PDE4C: variants seen among roughly 807,000 people sequenced by gnomAD.
PDE4C encodes phosphodiesterase 4C.
PDE4C carries 50 observed loss-of-function variants against 63.9 expected under a neutral mutation model. The ratio of observed to expected loss-of-function variants is 0.78; its 90% confidence interval spans 0.62 to 0.99. The LOEUF is 0.99. Ranked by LOEUF, PDE4C falls within the 50% of genes least tolerant of loss-of-function variation. The probability of loss-of-function intolerance (pLI) is 0.00; values close to 1 mark genes in which losing one functional copy is unlikely to be tolerated. For synonymous variants in PDE4C, 377 were observed against 385.1 expected (o/e 0.98, Z 0.25); for missense variants, 777 against 899.1 (o/e 0.86, Z 1.74).
chr19:18,214,898 A>G (rs1390526403), intron 12 of PDE4C, among the ~76,000 whole-genome samples: 1 of 149,838 alleles, frequency 6.7e-6, no homozygotes, highest in Admixed American at 6.7e-5. Flanking sequence ...GCAGTGAGCC[A>G]GGATCACACC....
intron 12 of PDE4C, among the ~76,000 whole-genome samples, chr19:18,214,285 G>A (rs1968096386): frequency 6.6e-6 from 1 of 151,846 alleles, no homozygotes; most frequent in Non-Finnish European, 1.5e-5. Context: ...CCTCTAGGAT[G>A]CCTCTGTTGA....
chr19:18,230,889 T>G (rs1968834022), upstream of PDE4C, among the ~76,000 whole-genome samples: 1 of 152,178 alleles, frequency 6.6e-6, no homozygotes, highest in Admixed American at 6.6e-5. Flanking sequence ...ACACAGGGCC[T>G]GCCACCCAGT....
At chr19:18,224,397 G>A in intron 1 of PDE4C, 1 of 985,568 alleles carries the variant, frequency 1.0e-6, no homozygotes, top group Non-Finnish European at 1.2e-6. Flanking sequence ...GAGCTGGGTC[G>A]GCACCCCGCG....
chr19:18,218,382 G>A (rs149723522), exon 10 of PDE4C: 28 of 1,614,238 alleles, frequency 1.7e-5, no homozygotes, highest in East Asian at 4.5e-5. Flanking sequence ...GGGCCACGTC[G>A]GCGGCATGTA....
chr19:18,235,150 TC>T (rs1838910592), upstream of PDE4C, among the ~76,000 whole-genome samples: 1 of 152,192 alleles, frequency 6.6e-6, no homozygotes, highest in Non-Finnish European at 1.5e-5. Flanking sequence ...CCTGCTAGCA[TC>T]CACCAACAAC....
chr19:18,212,890 C>G, intron 13 of PDE4C, among the ~76,000 whole-genome samples: 1 of 147,350 alleles, frequency 6.8e-6, no homozygotes, highest in East Asian at 2.2e-4. Flanking sequence ...GTTTCACCAT[C>G]TTGGCCAGAC....
chr19:18,211,806 T>A, exon 14 of PDE4C: 1 of 1,614,240 alleles, frequency 6.2e-7, no homozygotes. Flanking sequence ...ATGGGACTGA[T>A]GTCCAGGCCC....
intron 14 of PDE4C, 71 bp downstream of exon 14, chr19:18,211,688 C>T (rs912078087): frequency 2.6e-5 from 41 of 1,552,294 alleles, no homozygotes; most frequent in South Asian, 1.1e-4. Flanking sequence ...AACCAGGGCT[C>T]GTGGGGTTGG....
chr19:18,222,657 TTCTCTCTC>T (rs138832810), intron 1 of PDE4C, among the ~76,000 whole-genome samples: 171 of 82,430 alleles, frequency 2.1e-3, no homozygotes, highest in South Asian at 0.013. Flanking sequence ...TTCTCGTTCT[TTCTCTCTC>T]TCTCTCTCTC....
exon 15 of PDE4C, chr19:18,210,673 G>C: frequency 2.5e-6 from 1 of 405,024 alleles, no homozygotes; most frequent in East Asian, 4.1e-5. Context: ...TAGAAGCCCA[G>C]GAGAAAGACA....
At chr19:18,232,174 G>A (rs1172017793) in intron 1 of PDE4C, among the ~76,000 whole-genome samples, 3 of 152,056 alleles carry the variant, frequency 2.0e-5, no homozygotes, top group African/African-American at 7.2e-5. Flanking sequence ...AGACCAGCCT[G>A]GGTAACATGG....
At chr19:18,222,752 T>C (rs1375282605) in intron 1 of PDE4C, among the ~76,000 whole-genome samples, 1 of 135,068 alleles carries the variant, frequency 7.4e-6, no homozygotes, top group Non-Finnish European at 1.5e-5. Flanking sequence ...CAGGCTGCAG[T>C]GCAGTGGTGT....
At chr19:18,209,525 A>T (rs1250797533), downstream of PDE4C, 4 of 151,666 alleles carry the variant, frequency 2.6e-5, no homozygotes, top group Non-Finnish European at 4.4e-5. Flanking sequence ...CTGGGATTAC[A>T]GGTGTGAGCC....
chr19:18,214,833 C>A (rs1191051319), intron 12 of PDE4C, among the ~76,000 whole-genome samples: 2 of 151,612 alleles, frequency 1.3e-5, no homozygotes, highest in South Asian at 2.1e-4. Flanking sequence ...ACCTGTAATC[C>A]CAGCTACTCA....
At chr19:18,229,007 C>T (rs1209059422), upstream of PDE4C, among the ~76,000 whole-genome samples, 1 of 152,130 alleles carries the variant, frequency 6.6e-6, no homozygotes, top group Non-Finnish European at 1.5e-5. Flanking sequence ...ACAATCTCGG[C>T]TCACTGAAAC....
rs201098229 is a variant in PDE4C at position 18,211,042 on chromosome 19, C to T, written c.1930G>A (p.Gly644Arg). ...TCTTTGGCTAAAGCTGTCTCTTCCC[C>T]CTCCTCTTCTTCCTCCTCATCCTCT... The change falls in exon 15 of 15, where the codon GGG (glycine) becomes AGG (arginine). Residue 644 changes from glycine to arginine, a missense_variant. Coordinates refer to ENST00000262805, the Ensembl canonical transcript of PDE4C. 3.1e-6 allele frequency: 5 copies of T among 1,614,250 alleles called. No homozygotes were observed. In the African/African-American group the frequency reaches 4.0e-5, roughly 13 times the overall value.
In PDE4C at chr19:18,211,761, G is replaced by C. The variant is rs765472933; in HGVS notation, c.1693C>G (p.Gln565Glu). 1.2e-5 allele frequency: 20 copies of C among 1,614,070 alleles called. 1 individual carries two copies. The Middle Eastern group carries it at 4.9e-4, about 40-fold the overall frequency. ...GTTCAGCCCAGTCCCCTGCCAACCT[G>C]GGACTTCTCCACTGAGGCCGTATGC... The change falls in exon 14 of 15, where the codon CAG becomes GAG. Residue 565 changes from glutamine (Q) to glutamate (E), a missense_variant and splice_region_variant. Coordinates refer to ENST00000262805, the Ensembl canonical transcript of PDE4C.
chr19:18,229,676 T>C (rs1215159263), upstream of PDE4C, among the ~76,000 whole-genome samples: 1 of 152,066 alleles, frequency 6.6e-6, no homozygotes, highest in Non-Finnish European at 1.5e-5. Flanking sequence ...ATTTTACAGA[T>C]GAGTAAACTG....
chr19:18,229,523 G>A (rs1472530027), upstream of PDE4C, among the ~76,000 whole-genome samples: 1 of 152,154 alleles, frequency 6.6e-6, no homozygotes, highest in Non-Finnish European at 1.5e-5. Context: ...TTACAGGTGT[G>A]AGCCACTGCG....
Sources: gnomAD v4.1 joint callset for allele counts (sites outside exome capture counted in the v4.1 genomes callset) on GRCh38, gnomAD v4.1.1 for gene constraint, MANE v1.5 for transcripts, NCBI Gene and HGNC (gene_info 2026-07-23, HGNC 2026-07-21) for gene names.